The following C10orf67 variants were observed in gnomAD, a reference collection of about 807,000 sequenced individuals.
The protein encoded by C10orf67 is chromosome 10 open reading frame 67.
Under a neutral mutation model 35.6 loss-of-function variants are expected in C10orf67, and 60 were observed. That is an observed-to-expected ratio of 1.68 (90% CI 1.37 to 2.09). The LOEUF is 2.09. Ranked by LOEUF, C10orf67 falls within the 30% of genes most tolerant of loss-of-function variation. The pLI is 0.00. For synonymous variants in C10orf67, 167 were observed against 115.8 expected (o/e 1.44, Z -2.84); for missense variants, 474 against 330.2 (o/e 1.44, Z -3.38).
At position 23,344,661 on chromosome 10, in the gene C10orf67, C is replaced by T; in HGVS notation, c.114G>A (p.Met38Ile). The change falls in exon 1 of 16, where the codon ATG becomes ATA. Residue 38 changes from methionine to isoleucine, a missense_variant. Physicochemically the swap from Met to Ile is conservative, Grantham distance 10 (BLOSUM62 1). Transcript: ENST00000636213. ...RGTFGTRWEA[M>I]KAKATELRVC... is the part of the protein sequence containing the mutation. ...CCCGCAGCTCGGTGGCCTTGGCTTT[C>T]ATGGCCTCCCAGCGTGTGCCAAAGG... is the stretch of plus-strand genomic sequence containing the variant. 2 of 1,580,228 alleles carry T rather than the reference C, an allele frequency of 1.3e-6. No homozygotes were observed. Among genetic ancestry groups the T allele is most frequent in the Non-Finnish European group, 1.7e-6 (2 of 1,163,546 alleles).
intron 7 of C10orf67, among the ~76,000 whole-genome samples, chr10:23,287,320 C>T (rs1843574675): frequency 6.6e-6 from 1 of 152,052 alleles, no homozygotes; most frequent in Non-Finnish European, 1.5e-5. Flanking sequence ...GAAATAACAC[C>T]ACACATCTAC....
At chr10:23,336,752 A>T (rs1845698250) in intron 1 of C10orf67, among the ~76,000 whole-genome samples, 1 of 152,050 alleles carries the variant, frequency 6.6e-6, no homozygotes. Flanking sequence ...GGCCTCAGTG[A>T]TCCACCTGCC....
chr10:23,203,954 C>T lies in C10orf67; in HGVS notation c.*219G>A. 2.8e-6 allele frequency: 1 copy of T among 356,826 alleles called. No homozygotes were observed. The highest frequency in any genetic ancestry group is 4.7e-5 in the Admixed American group (1 of 21,286). The allele number at this position is 356,826 out of a possible 1,614,324, so 22.1% of individuals were successfully genotyped here. A position where few individuals can be genotyped will look rare whatever the true frequency, so the allele number is the denominator to read the frequency against. On this transcript the variant is annotated 3_prime_UTR_variant, in exon 16 of 16. Coordinates refer to ENST00000636213, the MANE Select transcript of C10orf67 (RefSeq NM_001371909.1). Reference sequence around the variant, plus strand: ...GTGCGCCCCGCTCACCCAGCACCAGCCAGGGCTTTCCTTAAAGGCGTGGAA... The same window carrying T: ...GTGCGCCCCGCTCACCCAGCACCAGTCAGGGCTTTCCTTAAAGGCGTGGAA...
rs561282123 is a variant in C10orf67, at chr10:23,315,932, C to T, written c.546+4809G>A. On this transcript the variant is annotated intron_variant, in intron 4 of 15. Coordinates refer to ENST00000636213, the MANE Select transcript of C10orf67 (RefSeq NM_001371909.1). ...CTCCTGGGTTCAAGCAGTCCTCCCA[C>T]CTCAGCCTCCTCAGTAGGTAGGACT... Among the ~76,000 whole-genome samples, 7 of 152,302 alleles carry T rather than the reference C, an allele frequency of 4.6e-5. No homozygotes were observed. In the South Asian group the frequency reaches 1.5e-3, roughly 32 times the overall value.
chr10:23,322,607 C>T, intron 2 of C10orf67, 70 bp from the exon 3 acceptor site: 1 of 1,057,042 alleles, frequency 9.5e-7, no homozygotes, highest in Non-Finnish European at 1.4e-6. Context: ...CATGTTGTCA[C>T]TTGCTAAGTG....
rs1845813070 is a variant in C10orf67 at position 23,339,718 on chromosome 10, C to A, written c.206+4851G>T. Among the ~76,000 whole-genome samples the A allele has an allele frequency of 2.0e-5, 3 of 152,202 alleles. No individual in the cohort carries two copies. In the South Asian group the frequency reaches 6.2e-4, roughly 31 times the overall value. On this transcript the variant is annotated intron_variant, in intron 1 of 15. Coordinates refer to ENST00000636213, the MANE Select transcript of C10orf67 (RefSeq NM_001371909.1). ...CATAGCTGCTTTTTGTGTTTGCTAT[C>A]AGTGTATTGTCTAGAGTCTTCTTTT...
chr10:23,236,253 GAAAAAAAAAAAAAAA>G (rs368833212), intron 13 of C10orf67, among the ~76,000 whole-genome samples: 9 of 75,802 alleles, frequency 1.2e-4, no homozygotes, highest in Middle Eastern at 8.5e-3. Context: ...CCTCTCGGGG[GAAAAAAAAAAAAAAA>G]AAAAAAAAAA....
chr10:23,329,118 A>T (rs902562665), intron 2 of C10orf67, among the ~76,000 whole-genome samples: 2 of 151,956 alleles, frequency 1.3e-5, no homozygotes, highest in Non-Finnish European at 2.9e-5. Context: ...TAAAGATACA[A>T]TATAGAGGAT....
chr10:23,289,561 C>G (rs998601152), intron 7 of C10orf67, among the ~76,000 whole-genome samples: 1 of 152,240 alleles, frequency 6.6e-6, no homozygotes, highest in African/African-American at 2.4e-5. Flanking sequence ...CAACTAACAT[C>G]TGATCTGAAA....
intron 13 of C10orf67, among the ~76,000 whole-genome samples, chr10:23,225,839 A>G (rs1841723238): frequency 6.6e-6 from 1 of 152,194 alleles, no homozygotes; most frequent in African/African-American, 2.4e-5. Context: ...ATATATATGC[A>G]CCCAATACAG....
chr10:23,204,319 C>A, intron 15 of C10orf67, 64 bp from the exon 16 acceptor site: 2 of 478,286 alleles, frequency 4.2e-6, no homozygotes, highest in Non-Finnish European at 7.7e-6. Flanking sequence ...AGACCACTTC[C>A]CACTCTTCCC....
chr10:23,328,993 C>CAAAAAAAAAAAAAAAAAAAAAAAA (rs57772405), intron 2 of C10orf67, among the ~76,000 whole-genome samples: 19 of 78,734 alleles, frequency 2.4e-4, no homozygotes, highest in African/African-American at 3.9e-4. Flanking sequence ...CATAAACGAA[C>CAAAAAAAAAAAAAAAAAAAAAAAA]AAAAAAAAAA....
intron 5 of C10orf67, among the ~76,000 whole-genome samples, chr10:23,301,128 C>T (rs949262006): frequency 1.3e-5 from 2 of 152,280 alleles, no homozygotes; most frequent in African/African-American, 4.8e-5. Context: ...GGGGCATAAT[C>T]GGGGAATATG....
At position 23,223,835 on chromosome 10, in the gene C10orf67, A is replaced by T. The variant is rs1028923752; in HGVS notation, c.1435-17T>A. 1.4e-6 allele frequency: 1 copy of T among 714,746 alleles called. No homozygotes were observed. The highest frequency in any genetic ancestry group is 1.8e-5 in the African/African-American group (1 of 57,142). The allele number at this position is 714,746 out of a possible 1,614,324, so 44.3% of individuals were successfully genotyped here. On this transcript the variant is annotated splice_polypyrimidine_tract_variant and intron_variant, in intron 13 of 15. Transcript: ENST00000636213. ...TTTTACTTTCTGAAAGACACAAAAG[A>T]TATGTACTGTGTTATCAGGAGGAAA...
chr10:23,280,303 TA>T (rs1459518748), intron 8 of C10orf67, among the ~76,000 whole-genome samples: 4 of 152,202 alleles, frequency 2.6e-5, no homozygotes, highest in Admixed American at 2.6e-4. Context: ...TTTACATTTT[TA>T]CAAAACGACT....
At chr10:23,257,104 A>G (rs182386632) in intron 10 of C10orf67, among the ~76,000 whole-genome samples, 56 of 152,298 alleles carry the variant, frequency 3.7e-4, no homozygotes, top group Admixed American at 9.1e-4. Flanking sequence ...AGGGAATGGT[A>G]ATTGTCTTGG....
At chr10:23,208,908 C>T (rs1004562515) in intron 15 of C10orf67, among the ~76,000 whole-genome samples, 3 of 152,090 alleles carry the variant, frequency 2.0e-5, no homozygotes, top group Non-Finnish European at 4.4e-5. Flanking sequence ...GCTTAGCCTA[C>T]TTGATAGTGA....
chr10:23,305,574 G>A (rs566217198), intron 4 of C10orf67, among the ~76,000 whole-genome samples: 3 of 152,220 alleles, frequency 2.0e-5, no homozygotes, highest in Admixed American at 1.3e-4. Context: ...ATGAAACATC[G>A]CCAATCATCA....
At chr10:23,275,571 T>A (rs1199175863) in intron 8 of C10orf67, among the ~76,000 whole-genome samples, 1 of 149,650 alleles carries the variant, frequency 6.7e-6, no homozygotes, top group African/African-American at 2.5e-5. Context: ...TCACTGCTGA[T>A]TACCCCTACA....
Sources: gnomAD v4.1 joint callset for allele counts (sites outside exome capture counted in the v4.1 genomes callset) on GRCh38, gnomAD v4.1.1 for gene constraint, MANE v1.5 for transcripts, NCBI Gene and HGNC (gene_info 2026-07-23, HGNC 2026-07-21) for gene names.